The following GAB2 variants were observed in gnomAD, a reference collection of about 807,000 sequenced individuals.
GAB2 encodes GRB2-associated-binding protein 2.
In GAB2, 26 loss-of-function variants were observed where a neutral mutation model predicts 65.5. That is an observed-to-expected ratio of 0.40 (90% CI 0.29 to 0.55). The LOEUF is 0.55. Ranked by LOEUF, GAB2 falls within the 20% of genes least tolerant of loss-of-function variation. The pLI is 0.53. For missense variants in GAB2, 884 were observed against 875.8 expected, an observed-to-expected ratio of 1.01 and a Z score of -0.12; for synonymous variants, 321 against 329.6, an observed-to-expected ratio of 0.97 and a Z score of 0.28.
chr11:78,415,299 C>T (rs187977917), intron 1 of GAB2, among the ~76,000 whole-genome samples: 39 of 152,294 alleles, frequency 2.6e-4, no homozygotes, highest in African/African-American at 8.7e-4. Context: ...CAATATAACA[C>T]GCCTATGATG....
At position 78,219,391 on chromosome 11, in the gene GAB2, C is replaced by T. The variant is rs758024914; in HGVS notation, c.1912G>A (p.Asp638Asn). 2.5e-6 allele frequency: 4 copies of T among 1,613,788 alleles called. No homozygotes were observed. In the African/African-American group the frequency reaches 5.3e-5, roughly 22 times the overall value. ...RKPSTSSVTS[D>N]EKVDYVQVDK... ...ACCTGAACGTAGTCCACCTTCTCAT[C>T]AGAGGTGACGGATGAAGTAGATGGC... is the stretch of plus-strand genomic sequence containing the variant. The change falls in exon 10 of 10, where the codon GAT (aspartate) becomes AAT (asparagine). Residue 638 changes from aspartate to asparagine, a missense_variant. Physicochemically the swap from Asp to Asn is conservative, Grantham distance 23. Transcript: ENST00000361507.
chr11:78,381,213 C>A (rs150247618), intron 1 of GAB2, among the ~76,000 whole-genome samples: 411 of 152,334 alleles, frequency 2.7e-3, no homozygotes, highest in African/African-American at 9.4e-3. Context: ...CATCTCCCAT[C>A]CATCTCATTT....
At position 78,215,672 on chromosome 11, in the gene GAB2, TA is replaced by T. The variant is rs1864088003; in HGVS notation, c.*3599del. 6.6e-6 allele frequency: 1 copy of T among 152,234 alleles called. No individual in the cohort carries two copies. 9.4% of individuals were successfully genotyped at this position (152,234 alleles called of 1,614,324 possible). The stretch of plus-strand genomic sequence containing the variant: ...AACAAATACACAACACATGCCACCA[TA>T]AATCACATGACAGCCTGGATCTCTT... On this transcript the variant is annotated 3_prime_UTR_variant, in exon 10 of 10. Transcript: ENST00000361507.
rs895468840 is a variant in GAB2, at chr11:78,218,373, C to G, written c.*899G>C. ...GTCGCCCAGCTTGGTCCAAGCCTTC[C>G]CCTGTATGCTGCTTTCAAGGTGGGG... On this transcript the variant is annotated 3_prime_UTR_variant, in exon 10 of 10. Transcript: ENST00000361507. 1 of 152,780 alleles carries G rather than the reference C, an allele frequency of 6.5e-6. No homozygotes were observed. The highest frequency in any genetic ancestry group is 1.5e-5 in the Non-Finnish European group (1 of 68,500). The allele number at this position is 152,780 out of a possible 1,614,324, so 9.5% of individuals were successfully genotyped here.
intron 2 of GAB2, among the ~76,000 whole-genome samples, chr11:78,258,112 A>C (rs1408407049): frequency 6.6e-6 from 1 of 152,182 alleles, no homozygotes; most frequent in Non-Finnish European, 1.5e-5. Context: ...CTATTTACAA[A>C]AAGAAGAGGT....
chr11:78,365,202 TAA>T (rs1285733961), intron 1 of GAB2, among the ~76,000 whole-genome samples: 1 of 152,188 alleles, frequency 6.6e-6, no homozygotes, highest in Admixed American at 6.5e-5. Context: ...AAATCTCAGA[TAA>T]GCAGAGGGAC....
In GAB2 at chr11:78,347,358, G is replaced by A. The variant is rs115252906; in HGVS notation, c.76-66457C>T. Among the ~76,000 whole-genome samples, 254 of 152,216 alleles carry A rather than the reference G, an allele frequency of 1.7e-3. 1 individual carries two copies. The highest frequency in any genetic ancestry group is 6.0e-3 in the African/African-American group (251 of 41,512). On this transcript the variant is annotated intron_variant, in intron 1 of 9. Transcript: ENST00000361507. Reference sequence around the variant, plus strand: ...TCCTCCTCATAGGGTACAGCTGGGCGTTTTTATATGGGTCCAAACTGACAT... The same window carrying A: ...TCCTCCTCATAGGGTACAGCTGGGCATTTTTATATGGGTCCAAACTGACAT...
chr11:78,407,658 T>TAAGAAAGAAAGAAAGAAAGA (rs375405621), intron 1 of GAB2, among the ~76,000 whole-genome samples: 4 of 117,140 alleles, frequency 3.4e-5, no homozygotes, highest in East Asian at 2.4e-4. Flanking sequence ...AGAAAGAAAG[T>TAAGAAAGAAAGAAAGAAAGA]AAGAAAGAAA....
intron 1 of GAB2, among the ~76,000 whole-genome samples, chr11:78,375,120 C>A (rs769402356): frequency 2.0e-5 from 3 of 152,204 alleles, no homozygotes; most frequent in Non-Finnish European, 4.4e-5. Flanking sequence ...TCATAGCTCA[C>A]TGCAGCCTAG....
chr11:78,243,459 C>T (rs1229143296), intron 3 of GAB2, among the ~76,000 whole-genome samples: 1 of 151,922 alleles, frequency 6.6e-6, no homozygotes, highest in African/African-American at 2.4e-5. Context: ...CACAGCGAGA[C>T]TCCGTCTCAA....
intron 1 of GAB2, among the ~76,000 whole-genome samples, chr11:78,327,341 C>T (rs986132620): frequency 6.6e-6 from 1 of 152,086 alleles, no homozygotes; most frequent in Non-Finnish European, 1.5e-5. Flanking sequence ...GAACCAAGCA[C>T]CTCAAGCTGG....
chr11:78,277,269 A>G (rs1590991371), intron 2 of GAB2, among the ~76,000 whole-genome samples: 1 of 152,158 alleles, frequency 6.6e-6, no homozygotes, highest in Non-Finnish European at 1.5e-5. Flanking sequence ...CATCATACCT[A>G]TTTCTTAAAA....
At chr11:78,248,422 C>T (rs1865355158) in intron 3 of GAB2, among the ~76,000 whole-genome samples, 1 of 152,068 alleles carries the variant, frequency 6.6e-6, no homozygotes, top group African/African-American at 2.4e-5. Flanking sequence ...TAGAAAGGAC[C>T]CCAGGACCTA....
chr11:78,238,484 T>TAA (rs778094254), intron 3 of GAB2, among the ~76,000 whole-genome samples: 4 of 132,626 alleles, frequency 3.0e-5, no homozygotes, highest in Non-Finnish European at 3.2e-5. Flanking sequence ...CCCTGTCTCT[T>TAA]AAAAAAAAAA....
At chr11:78,384,921 A>G (rs1285566097) in intron 1 of GAB2, among the ~76,000 whole-genome samples, 1 of 152,218 alleles carries the variant, frequency 6.6e-6, no homozygotes, top group Non-Finnish European at 1.5e-5. Flanking sequence ...TGACATTTGA[A>G]GACATGGCTG....
At chr11:78,347,890 C>T (rs1591056491) in intron 1 of GAB2, among the ~76,000 whole-genome samples, 1 of 152,150 alleles carries the variant, frequency 6.6e-6, no homozygotes, top group South Asian at 2.1e-4. Flanking sequence ...GGCTCCCTCC[C>T]ATGCAGTCAA....
At chr11:78,265,828 G>A (rs1865860435) in intron 2 of GAB2, among the ~76,000 whole-genome samples, 2 of 152,134 alleles carry the variant, frequency 1.3e-5, no homozygotes, top group East Asian at 3.8e-4. Context: ...CTCCCCAACA[G>A]TGAATTTCTC....
intron 1 of GAB2, among the ~76,000 whole-genome samples, chr11:78,415,939 CTTT>C (rs1303081510): frequency 5.4e-5 from 7 of 128,970 alleles, no homozygotes; most frequent in East Asian, 2.2e-4. Flanking sequence ...TTAAGGGTCA[CTTT>C]TTTTTTTTTT....
At chr11:78,404,654 G>T (rs1046085176) in intron 1 of GAB2, among the ~76,000 whole-genome samples, 8 of 152,212 alleles carry the variant, frequency 5.3e-5, no homozygotes, top group Admixed American at 4.6e-4. Flanking sequence ...AATAAGCCAG[G>T]AACAGAAATT....
Sources: allele counts gnomAD v4.1 joint callset (sites outside exome capture counted in the v4.1 genomes callset), GRCh38; gene constraint gnomAD v4.1.1; transcripts MANE v1.5; gene names NCBI Gene and HGNC (gene_info 2026-07-23, HGNC 2026-07-21).